Variants in PIWIL1 observed in about 807,000 individuals in gnomAD.
PIWIL1 encodes the protein piwi like RNA-mediated gene silencing 1.
In PIWIL1, 73 loss-of-function variants were observed where a neutral mutation model predicts 114.4. That is an observed-to-expected ratio of 0.64 (90% CI 0.53 to 0.78). The LOEUF (loss-of-function observed/expected upper bound fraction) is 0.78, where lower values mean the gene tolerates loss of function less well. Ranked by LOEUF, PIWIL1 falls within the 30% of genes least tolerant of loss-of-function variation. The probability of loss-of-function intolerance (pLI) is 0.00; values close to 1 mark genes in which losing one functional copy is unlikely to be tolerated. For missense variants in PIWIL1, 723 were observed against 1,063.1 expected, an observed-to-expected ratio of 0.68 and a Z score of 4.45; for synonymous variants, 375 against 369.0, an observed-to-expected ratio of 1.02 and a Z score of -0.19.
intron 3 of PIWIL1, among the ~76,000 whole-genome samples, chr12:130,343,687 G>A (rs1054996386): frequency 4.2e-5 from 6 of 144,444 alleles, no homozygotes; most frequent in Admixed American, 1.4e-4. Flanking sequence ...GTGCAGTGGC[G>A]CGATCTCTGC....
chr12:130,394,664 A>AT, the PIWIL1 span, among the ~76,000 whole-genome samples: 60 of 147,606 alleles, frequency 4.1e-4, 1 homozygote, highest in South Asian at 4.7e-3. Flanking sequence ...GGATTTTTGC[A>AT]TTTTTTTTTT....
chr12:130,398,604 T>C, the PIWIL1 span: 1 of 152,632 alleles, frequency 6.6e-6, no homozygotes, highest in African/African-American at 2.4e-5. Context: ...AGCTCTCTCG[T>C]AAGGTAGAGG....
At chr12:130,384,120 G>A in the PIWIL1 span, among the ~76,000 whole-genome samples, 1 of 152,048 alleles carries the variant, frequency 6.6e-6, no homozygotes, top group Non-Finnish European at 1.5e-5. Context: ...TTTTATAAAT[G>A]TCTCTTTGGT....
the PIWIL1 span, among the ~76,000 whole-genome samples, chr12:130,379,140 T>A: frequency 2.6e-5 from 4 of 152,270 alleles, no homozygotes; most frequent in East Asian, 7.7e-4. Context: ...GTATCTTCCT[T>A]AGCTGTTTAA....
the PIWIL1 span, chr12:130,424,214 G>T: frequency 8.1e-7 from 1 of 1,232,032 alleles, no homozygotes; most frequent in East Asian, 3.2e-5. This position sits in a 1 kb window ranked among gnomAD's most constrained non-coding sequence, Gnocchi z 9.8. Flanking sequence ...GCATGGTTAT[G>T]CTTTTCTTCC....
chr12:130,399,614 G>A, the PIWIL1 span: 1 of 1,563,296 alleles, frequency 6.4e-7, no homozygotes, highest in Non-Finnish European at 8.7e-7. Flanking sequence ...TCAGTGCAAA[G>A]ATTGTATTAG....
the PIWIL1 span, among the ~76,000 whole-genome samples, chr12:130,408,762 C>G: frequency 3.3e-5 from 5 of 152,214 alleles, no homozygotes; most frequent in Non-Finnish European, 7.3e-5. Flanking sequence ...CCACTTTTTG[C>G]TTACATTTGA....
intron 16 of PIWIL1, among the ~76,000 whole-genome samples, chr12:130,361,902 C>T (rs575744567): frequency 6.6e-6 from 1 of 152,162 alleles, no homozygotes; most frequent in South Asian, 2.1e-4. Flanking sequence ...AATGTAGTTT[C>T]ACATTTTGAT....
intron 9 of PIWIL1, chr12:130,351,818 A>G (rs1332356933): frequency 2.0e-5 from 3 of 152,086 alleles, no homozygotes; most frequent in African/African-American, 7.2e-5. Context: ...TTCATTTAAC[A>G]AGTCTTAGTA....
the PIWIL1 span, among the ~76,000 whole-genome samples, chr12:130,386,335 A>C: frequency 2.6e-5 from 4 of 152,074 alleles, no homozygotes; most frequent in African/African-American, 9.7e-5. Flanking sequence ...CCTTAATAAT[A>C]AGCCCCCTTG....
intron 18 of PIWIL1, among the ~76,000 whole-genome samples, chr12:130,364,035 C>T (rs1319384106): frequency 6.6e-6 from 1 of 152,150 alleles, no homozygotes; most frequent in Non-Finnish European, 1.5e-5. Context: ...CAGACATTTC[C>T]GTCAGTGCCA....
the PIWIL1 span, among the ~76,000 whole-genome samples, chr12:130,423,370 G>T: frequency 6.6e-6 from 1 of 152,228 alleles, no homozygotes; most frequent in Non-Finnish European, 1.5e-5. Flanking sequence ...CACCTCTCCT[G>T]GGTGGGCCCA....
the PIWIL1 span, among the ~76,000 whole-genome samples, chr12:130,380,292 T>A: frequency 6.6e-6 from 1 of 152,346 alleles, no homozygotes; most frequent in South Asian, 2.1e-4. Context: ...ATCCAAGCAG[T>A]AACCATTGTT....
Position 130,355,616 on chromosome 12 carries a change from C to G in PIWIL1, c.1353C>G (p.Ser451=). 1 of 1,614,156 alleles carries G rather than the reference C, an allele frequency of 6.2e-7. No homozygotes were observed. Among genetic ancestry groups the G allele is most frequent in the Non-Finnish European group, 8.5e-7 (1 of 1,179,978 alleles). ...WGLSFDSNLL[S]FSGRILQTEK... is the part of the protein sequence containing the mutation. ...TGAGCTTTGATTCCAACTTACTGTC[C>G]TTCTCAGGAAGAATTTTGCAAACAG... The change falls in exon 12 of 21, where the codon TCC becomes TCG. Residue 451 remains serine (S), a synonymous_variant. Coordinates refer to ENST00000245255, the MANE Select transcript of PIWIL1 (RefSeq NM_004764.5).
the PIWIL1 span, among the ~76,000 whole-genome samples, chr12:130,390,384 A>G: frequency 2.0e-5 from 3 of 152,176 alleles, no homozygotes; most frequent in South Asian, 4.1e-4. Context: ...GAAGGTAGAG[A>G]TGGTGTCTCC....
intron 3 of PIWIL1, among the ~76,000 whole-genome samples, chr12:130,344,309 A>G (rs1440676688): frequency 2.0e-5 from 3 of 152,166 alleles, no homozygotes; most frequent in Admixed American, 6.5e-5. Flanking sequence ...CAATACTTCA[A>G]ACCAAGCCTC....
At chr12:130,394,069 A>G in the PIWIL1 span, among the ~76,000 whole-genome samples, 1 of 152,246 alleles carries the variant, frequency 6.6e-6, no homozygotes, top group Non-Finnish European at 1.5e-5. Flanking sequence ...ATGTGGGTGG[A>G]AAGCCTGTAC....
chr12:130,359,893 A>G (rs1386744439), intron 14 of PIWIL1, among the ~76,000 whole-genome samples: 6 of 152,246 alleles, frequency 3.9e-5, no homozygotes, highest in Admixed American at 3.9e-4. Flanking sequence ...GGGAAAAATG[A>G]CATGCATGTG....
chr12:130,406,253 T>C, the PIWIL1 span: 4 of 1,582,004 alleles, frequency 2.5e-6, no homozygotes, highest in Non-Finnish European at 3.5e-6. Context: ...CCTGTGGAGA[T>C]GAAACATAAA....
Sources: gnomAD v4.1 joint callset for allele counts (sites outside exome capture counted in the v4.1 genomes callset) on GRCh38, gnomAD v4.1.1 for gene constraint, Gnocchi (gnomAD v3.1) non-coding constraint, MANE v1.5 for transcripts, NCBI Gene and HGNC (gene_info 2026-07-23, HGNC 2026-07-21) for gene names.